Variants in UBAP2 observed in about 807,000 individuals in gnomAD.
UBAP2 encodes the protein ubiquitin-associated protein 2.
UBAP2 carries 75 observed loss-of-function variants against 139.6 expected under a neutral mutation model. That is an observed-to-expected ratio of 0.54 (90% CI 0.45 to 0.65). The LOEUF is 0.65. Ranked by LOEUF, UBAP2 falls within the 30% of genes least tolerant of loss-of-function variation. The pLI, the probability that UBAP2 is intolerant of heterozygous loss-of-function variation, is 0.00. For synonymous variants in UBAP2, 526 were observed against 526.2 expected (o/e 1.00, Z 0.01); for missense variants, 1,368 against 1,369.6 (o/e 1.00, Z 0.02).
Position 33,944,532 on chromosome 9 carries a change from GA to G in UBAP2, c.1377del (p.Pro460LeufsTer18). ...GATTCTCGAAGTTTTGCCTGGGAAG[GA>G]AAGGACTCCAAACCAGGAGGAGGAA... ...VTVPPPGLES[F>X]PSQAKLREST... On this transcript the variant is annotated frameshift_variant, in exon 14 of 29. Transcript: ENST00000379238. LOFTEE classifies it high-confidence loss of function. The G allele has an allele frequency of 2.5e-6, 4 of 1,614,152 alleles. No homozygotes were observed. Among genetic ancestry groups the G allele is most frequent in the Non-Finnish European group, 3.4e-6 (4 of 1,180,026 alleles).
At chr9:33,938,365 A>G (rs1824784217) in intron 16 of UBAP2, among the ~76,000 whole-genome samples, 1 of 152,008 alleles carries the variant, frequency 6.6e-6, no homozygotes, top group African/African-American at 2.4e-5. Flanking sequence ...TCCTGACCTC[A>G]AGCAATCCAC....
intron 3 of UBAP2, 173 bp from the exon 4 acceptor site, chr9:33,996,506 G>A (rs1822215628): frequency 1.8e-6 from 1 of 558,566 alleles, no homozygotes; most frequent in Non-Finnish European, 3.1e-6. Context: ...GCCATTCCAT[G>A]CATGTCTTTT....
In UBAP2 at chr9:33,985,582, A is replaced by G. The variant is rs569419028; in HGVS notation, c.520+1178T>C. The stretch of plus-strand genomic sequence containing the variant: ...AACCAGACACAGAAAGATAAATATC[A>G]CACGTACTCACTCATGTGGGAGCTA... On this transcript the variant is annotated intron_variant, in intron 6 of 28. Coordinates refer to ENST00000379238, the MANE Select transcript of UBAP2 (RefSeq NM_001370062.2). Among the ~76,000 whole-genome samples the G allele has an allele frequency of 5.3e-5, 8 of 152,336 alleles. No homozygotes were observed. The South Asian group carries it at 1.7e-3, about 32-fold the overall frequency.
intron 9 of UBAP2, among the ~76,000 whole-genome samples, chr9:33,961,850 C>T (rs777919779): frequency 9.9e-5 from 15 of 152,138 alleles, no homozygotes; most frequent in Admixed American, 3.3e-4. Flanking sequence ...TAACTGACCT[C>T]CTCATAAGTA....
intron 19 of UBAP2, among the ~76,000 whole-genome samples, chr9:33,930,414 TTA>T (rs1823865527): frequency 6.6e-6 from 1 of 152,008 alleles, no homozygotes; most frequent in Admixed American, 6.6e-5. Context: ...GGACGGCTGC[TTA>T]AATAACCTTA....
At chr9:33,971,880 C>T (rs1827942355) in intron 7 of UBAP2, 126 bp from the exon 8 acceptor site, 3 of 599,364 alleles carry the variant, frequency 5.0e-6, no homozygotes, top group East Asian at 5.6e-5. Context: ...AAAGACATCA[C>T]CTCTCCTTCC....
At chr9:33,984,498 TAA>T (rs1041499858) in intron 6 of UBAP2, among the ~76,000 whole-genome samples, 11 of 144,992 alleles carry the variant, frequency 7.6e-5, no homozygotes, top group African/African-American at 2.4e-4. Flanking sequence ...CCCCATCTCT[TAA>T]AAAAAAAATT....
chr9:33,946,859 G>A (rs1825691574), intron 13 of UBAP2, among the ~76,000 whole-genome samples: 1 of 152,172 alleles, frequency 6.6e-6, no homozygotes, highest in Admixed American at 6.5e-5. Flanking sequence ...CTAGTTATGT[G>A]TGCAGAAAAA....
At chr9:34,034,830 G>A (rs1477693382) in intron 1 of UBAP2, among the ~76,000 whole-genome samples, 3 of 151,882 alleles carry the variant, frequency 2.0e-5, no homozygotes, top group East Asian at 1.9e-4. Flanking sequence ...TCAAGATCAC[G>A]CCACTGCACT....
In UBAP2 at chr9:34,020,378, C is replaced by T. The variant is rs373613413; in HGVS notation, c.-41-3189G>A. Among the ~76,000 whole-genome samples the T allele has an allele frequency of 2.6e-5, 4 of 151,086 alleles. No individual in the cohort carries two copies. In the East Asian group the frequency reaches 5.9e-4, roughly 22 times the overall value. On this transcript the variant is annotated intron_variant, in intron 1 of 28. Transcript: ENST00000379238. ...CTCCATCACCCAGGCTGGAGTGCAA[C>T]GAATAGTGCGATCTCGGCTCACTGC...
At chr9:33,996,043 T>A (rs1457534061) in intron 4 of UBAP2, 180 bp downstream of exon 4, 8 of 524,246 alleles carry the variant, frequency 1.5e-5, no homozygotes, top group Non-Finnish European at 2.3e-5. Flanking sequence ...TACGACTTCA[T>A]GAAGAAACCA....
chr9:33,961,069 C>T (rs1334684625), intron 9 of UBAP2, among the ~76,000 whole-genome samples, 191 bp from the exon 10 acceptor site: 3 of 152,124 alleles, frequency 2.0e-5, no homozygotes, highest in African/African-American at 7.2e-5. Flanking sequence ...CTTTTCTCCC[C>T]TTCTCTTTGA....
At chr9:33,992,389 C>CAAAAAA (rs33969994) in intron 4 of UBAP2, among the ~76,000 whole-genome samples, 1 of 80,024 alleles carries the variant, frequency 1.2e-5, no homozygotes, top group African/African-American at 5.2e-5. Flanking sequence ...AACTCCATCT[C>CAAAAAA]AAAAAAAAAA....
At chr9:34,032,296 C>T (rs751875436) in intron 1 of UBAP2, among the ~76,000 whole-genome samples, 1 of 152,128 alleles carries the variant, frequency 6.6e-6, no homozygotes, top group Admixed American at 6.6e-5. Context: ...CAAATTAACT[C>T]ATAGATTTAA....
intron 16 of UBAP2, chr9:33,938,804 A>G (rs1450470710): frequency 4.8e-6 from 2 of 415,236 alleles, no homozygotes; most frequent in Non-Finnish European, 9.3e-6. Context: ...TCAAAAAAAA[A>G]AAAAAAAAAG....
At chr9:34,047,761 C>T (rs1827733466) in intron 1 of UBAP2, among the ~76,000 whole-genome samples, 1 of 152,224 alleles carries the variant, frequency 6.6e-6, no homozygotes, top group African/African-American at 2.4e-5. Context: ...GAAAGAATCG[C>T]TTAAACCCAG....
chr9:33,929,438 C>G (rs1017911168), intron 19 of UBAP2, among the ~76,000 whole-genome samples: 1 of 152,174 alleles, frequency 6.6e-6, no homozygotes, highest in Non-Finnish European at 1.5e-5. Flanking sequence ...AGGCTTCGCT[C>G]AGTCCATCCA....
In UBAP2 at chr9:33,932,571, C is replaced by T. The variant is rs1371980060; in HGVS notation, c.2166G>A (p.Thr722=). The T allele has an allele frequency of 1.2e-5, 19 of 1,613,834 alleles. No individual in the cohort carries two copies. The highest frequency in any genetic ancestry group is 1.0e-4 in the Admixed American group (6 of 59,988). Residue 722 remains threonine, a synonymous_variant, in exon 19 of 29, where the codon ACG becomes ACA. Transcript: ENST00000379238. ...CCGCGCAGACACTTACTGTGTGTGA[C>T]GTGCTCGAGGAGAGGGCTGCATGTG... is the stretch of plus-strand genomic sequence containing the variant. The part of the protein sequence containing the change: ...LSAHAALSSS[T]SHTHASVESA...
intron 9 of UBAP2, among the ~76,000 whole-genome samples, chr9:33,962,623 A>C (rs971839991): frequency 6.6e-6 from 1 of 150,908 alleles, no homozygotes; most frequent in African/African-American, 2.5e-5. Context: ...CAGCCTGGGC[A>C]ACAGAGCAAG....
Sources: gnomAD v4.1 joint callset for allele counts (sites outside exome capture counted in the v4.1 genomes callset) on GRCh38, gnomAD v4.1.1 for gene constraint, MANE v1.5 for transcripts, NCBI Gene and HGNC (gene_info 2026-07-23, HGNC 2026-07-21) for gene names.